SNTG1: variants seen among roughly 807,000 people sequenced by gnomAD.
SNTG1 encodes the protein gamma-1-syntrophin.
Under a neutral mutation model 74.7 loss-of-function variants are expected in SNTG1, and 39 were observed. That is an observed-to-expected ratio of 0.52 (90% CI 0.40 to 0.68). The LOEUF is 0.68. Among genes scored for constraint, SNTG1 ranks in the 30% least tolerant of loss-of-function variants. The pLI, the probability that SNTG1 is intolerant of heterozygous loss-of-function variation, is 0.00. For synonymous variants in SNTG1, 254 were observed against 217.1 expected, an observed-to-expected ratio of 1.17 and a Z score of -1.49; for missense variants, 685 against 609.5, an observed-to-expected ratio of 1.12 and a Z score of -1.30.
intron 9 of SNTG1, among the ~76,000 whole-genome samples, chr8:50,508,949 C>G (rs1040385440): frequency 6.6e-6 from 1 of 152,118 alleles, no homozygotes; most frequent in African/African-American, 2.4e-5. Context: ...TCAATATTGG[C>G]TTTTGTTGCC....
At chr8:50,725,641 C>T (rs951107107) in intron 17 of SNTG1, among the ~76,000 whole-genome samples, 1 of 152,128 alleles carries the variant, frequency 6.6e-6, no homozygotes, top group Admixed American at 6.6e-5. Flanking sequence ...GAAAGATTGC[C>T]TGATGCCAGA....
chr8:50,291,218 T>C (rs763977937), intron 2 of SNTG1, among the ~76,000 whole-genome samples: 2 of 143,108 alleles, frequency 1.4e-5, no homozygotes, highest in Non-Finnish European at 3.0e-5. Flanking sequence ...TATGTGTTTA[T>C]ATATAAGAGA....
chr8:50,292,123 A>G (rs1033237460), intron 2 of SNTG1, among the ~76,000 whole-genome samples: 2 of 152,198 alleles, frequency 1.3e-5, no homozygotes, highest in African/African-American at 2.4e-5. Context: ...TACGGTATCC[A>G]TCAGTATATA....
At chr8:50,110,288 G>A (rs2080533075) in intron 1 of SNTG1, among the ~76,000 whole-genome samples, 1 of 152,094 alleles carries the variant, frequency 6.6e-6, no homozygotes, top group Non-Finnish European at 1.5e-5. Flanking sequence ...TGGATGCTTT[G>A]AGTGGTCTCT....
At chr8:50,645,786 T>C (rs913740642) in intron 13 of SNTG1, among the ~76,000 whole-genome samples, 7 of 152,172 alleles carry the variant, frequency 4.6e-5, no homozygotes, top group African/African-American at 1.4e-4. Context: ...CTCATGTTTT[T>C]CTCTAGGAGG....
intron 15 of SNTG1, among the ~76,000 whole-genome samples, chr8:50,673,021 C>T (rs2095292407): frequency 6.6e-6 from 1 of 152,160 alleles, no homozygotes; most frequent in East Asian, 1.9e-4. Flanking sequence ...TTTCTGAAGT[C>T]TCTGTTCTGT....
intron 2 of SNTG1, among the ~76,000 whole-genome samples, chr8:50,352,503 G>C (rs2091693269): frequency 6.6e-6 from 1 of 151,888 alleles, no homozygotes; most frequent in Non-Finnish European, 1.5e-5. Context: ...AGATTCTCCT[G>C]TCTTAGCCTC....
intron 16 of SNTG1, chr8:50,708,107 A>G: frequency 4.6e-6 from 1 of 216,650 alleles, no homozygotes; most frequent in East Asian, 9.2e-5. Context: ...AGACCGAGGG[A>G]AGAGCATTTA....
At chr8:50,308,592 C>T (rs1410251986) in intron 2 of SNTG1, among the ~76,000 whole-genome samples, 2 of 152,062 alleles carry the variant, frequency 1.3e-5, no homozygotes, top group Non-Finnish European at 2.9e-5. Context: ...CTTCTGTTTT[C>T]TTTTAAGATT....
At chr8:50,384,660 A>G (rs1286494955) in intron 2 of SNTG1, among the ~76,000 whole-genome samples, 1 of 152,138 alleles carries the variant, frequency 6.6e-6, no homozygotes, top group South Asian at 2.1e-4. Context: ...GCACCTGCAT[A>G]TTGTGCAGAA....
rs2093576760 is a variant in SNTG1, at chr8:50,462,794, CTCTTTTTTTTTTTTTTTT to C, written c.363+12067_363+12084del. Among the ~76,000 whole-genome samples the C allele has an allele frequency of 4.6e-5, 2 of 43,628 alleles. 1 individual carries two copies. The highest frequency in any genetic ancestry group is 9.3e-5 in the Non-Finnish European group (2 of 21,436). The allele number at this position is 43,628 out of a possible 152,430, so 28.6% of individuals were successfully genotyped here. A position where few individuals can be genotyped will look rare whatever the true frequency, so the allele number is the denominator to read the frequency against. On this transcript the variant is annotated intron_variant, in intron 8 of 18. Transcript: ENST00000642720. ...AACTCAGTCGCATCTTCAGGTTCTACTCTTTTTTTTTTTTTTTTTTTTTTTTTTTTTTTTTTTTTTTGA... is the reference window on the plus strand; with the variant it reads ...AACTCAGTCGCATCTTCAGGTTCTACTTTTTTTTTTTTTTTTTTTTTTTGA...
At chr8:50,536,945 ATC>A (rs2130407375) in intron 11 of SNTG1, 137 bp downstream of exon 11, 2 of 1,120,402 alleles carry the variant, frequency 1.8e-6, no homozygotes, top group African/African-American at 3.2e-5. Flanking sequence ...CAAAATAATA[ATC>A]TAACAAAGTT....
At chr8:50,694,155 G>GTT (rs1054712817) in intron 15 of SNTG1, among the ~76,000 whole-genome samples, 2 of 144,564 alleles carry the variant, frequency 1.4e-5, no homozygotes, top group Non-Finnish European at 3.0e-5. Context: ...AGGAAATGAA[G>GTT]TTTTTTTTTT....
intron 2 of SNTG1, among the ~76,000 whole-genome samples, chr8:50,184,970 A>G (rs1158316581): frequency 6.6e-6 from 1 of 152,196 alleles, no homozygotes; most frequent in Non-Finnish European, 1.5e-5. Flanking sequence ...AAACAAAGAA[A>G]AATTTGAGAT....
At chr8:50,640,848 G>A (rs2095068137) in intron 13 of SNTG1, among the ~76,000 whole-genome samples, 1 of 152,086 alleles carries the variant, frequency 6.6e-6, no homozygotes, top group Admixed American at 6.6e-5. Flanking sequence ...TCCCTAGAGT[G>A]ATACCTTCAA....
intron 1 of SNTG1, among the ~76,000 whole-genome samples, chr8:50,107,376 T>C (rs1438033201): frequency 1.3e-5 from 2 of 152,172 alleles, no homozygotes; most frequent in Non-Finnish European, 2.9e-5. Flanking sequence ...TGAAAGATTC[T>C]CACACATGTA....
At chr8:49,918,288 G>A (rs976610866) in intron 1 of SNTG1, among the ~76,000 whole-genome samples, 3 of 152,108 alleles carry the variant, frequency 2.0e-5, no homozygotes, top group Non-Finnish European at 4.4e-5. Flanking sequence ...AGAACAAATA[G>A]GAATGAAGAT....
chr8:50,726,766 G>A (rs989133827), intron 17 of SNTG1, among the ~76,000 whole-genome samples: 6 of 152,078 alleles, frequency 3.9e-5, no homozygotes, highest in African/African-American at 9.7e-5. Context: ...GGAGAAAGGC[G>A]TGAAACCAGG....
chr8:49,996,214 C>T, intron 1 of SNTG1, among the ~76,000 whole-genome samples: 1 of 151,966 alleles, frequency 6.6e-6, no homozygotes, highest in East Asian at 1.9e-4. Context: ...AATAATACTG[C>T]TTGTTTTCTT....
Sources: allele counts gnomAD v4.1 joint callset (sites outside exome capture counted in the v4.1 genomes callset), GRCh38; gene constraint gnomAD v4.1.1; transcripts MANE v1.5; gene names NCBI Gene and HGNC (gene_info 2026-07-23, HGNC 2026-07-21).